Variants in SMYD3 observed in about 807,000 individuals in gnomAD.
SMYD3 encodes the protein SET and MYND domain containing 3.
SMYD3 carries 36 observed loss-of-function variants against 57.7 expected under a neutral mutation model. The observed-to-expected ratio is 0.62, with a 90% CI of 0.48 to 0.82. SMYD3 has a LOEUF of 0.82. SMYD3 is among the 40% of genes least tolerant of loss of function. The pLI, the probability that SMYD3 is intolerant of heterozygous loss-of-function variation, is 0.00. For missense variants in SMYD3, 515 were observed against 538.8 expected (o/e 0.96, Z 0.44); for synonymous variants, 211 against 195.0 (o/e 1.08, Z -0.68).
intron 1 of SMYD3, among the ~76,000 whole-genome samples, chr1:246,407,625 T>C (rs545466975): frequency 2.4e-3 from 372 of 152,126 alleles, no homozygotes; most frequent in Non-Finnish European, 4.1e-3. Flanking sequence ...GTGGATCACC[T>C]GAGGTCAGGA....
chr1:245,817,245 C>T (rs940087200), intron 10 of SMYD3, among the ~76,000 whole-genome samples: 10 of 144,570 alleles, frequency 6.9e-5, no homozygotes, highest in Non-Finnish European at 1.4e-4. Flanking sequence ...GACCCCTGAC[C>T]CCCGAGCAGC....
At chr1:246,268,045 T>G (rs566206222) in intron 5 of SMYD3, among the ~76,000 whole-genome samples, 1 of 152,274 alleles carries the variant, frequency 6.6e-6, no homozygotes, top group East Asian at 1.9e-4. Context: ...AATTGGGAAT[T>G]GTATTGTCAG....
chr1:246,007,803 C>G (rs118121597), intron 5 of SMYD3, among the ~76,000 whole-genome samples: 2,725 of 149,010 alleles, frequency 0.018, 83 homozygotes, highest in South Asian at 0.12. Context: ...GGAAACAGAG[C>G]CAGACCCTGA....
chr1:246,489,044 C>T (rs1373827641), intron 1 of SMYD3, among the ~76,000 whole-genome samples: 1 of 152,080 alleles, frequency 6.6e-6, no homozygotes, highest in African/African-American at 2.4e-5. Context: ...AATGGTAGGT[C>T]ACTTCTGAAG....
intron 10 of SMYD3, among the ~76,000 whole-genome samples, chr1:245,801,438 C>T (rs950846613): frequency 2.0e-5 from 3 of 152,164 alleles, no homozygotes; most frequent in Non-Finnish European, 2.9e-5. Flanking sequence ...ATAAATATCT[C>T]AGACTTCAGG....
chr1:245,920,813 T>G (rs2055868820), intron 7 of SMYD3, among the ~76,000 whole-genome samples: 1 of 152,206 alleles, frequency 6.6e-6, no homozygotes, highest in Non-Finnish European at 1.5e-5. Flanking sequence ...AAAATTTAAA[T>G]GTAAGACCAC....
At chr1:246,125,809 C>T (rs12031436) in intron 5 of SMYD3, among the ~76,000 whole-genome samples, 9,955 of 151,850 alleles carry the variant, frequency 0.066, 627 homozygotes, top group South Asian at 0.18. Flanking sequence ...CCTTAGATAA[C>T]GACAGAGAGG....
chr1:245,804,165 C>G (rs959368077), intron 10 of SMYD3, among the ~76,000 whole-genome samples: 1 of 152,032 alleles, frequency 6.6e-6, no homozygotes, highest in Non-Finnish European at 1.5e-5. Flanking sequence ...CCCATCTCGG[C>G]CTCCCAAAGT....
chr1:246,480,222 C>G (rs1026570610), intron 1 of SMYD3, among the ~76,000 whole-genome samples: 24 of 152,072 alleles, frequency 1.6e-4, no homozygotes, highest in African/African-American at 5.8e-4. Flanking sequence ...CCATGTTGAC[C>G]ATCCTGGCCT....
intron 10 of SMYD3, among the ~76,000 whole-genome samples, chr1:245,787,139 C>T (rs550349448): frequency 6.6e-6 from 1 of 152,258 alleles, no homozygotes; most frequent in Non-Finnish European, 1.5e-5. Context: ...GTCACAGGGC[C>T]GAACCACAGC....
rs560716650 is a variant in SMYD3 at position 246,002,334 on chromosome 1, G to T, written c.532-72397C>A. On this transcript the variant is annotated intron_variant, in intron 5 of 11. Coordinates refer to ENST00000490107, the MANE Select transcript of SMYD3 (RefSeq NM_001167740.2). ...CGAGTAGCTGGGACTGCAGGCTCCC[G>T]CCACCACGCCCGGCTAATTTTTTGT... Among the ~76,000 whole-genome samples, 11 of 65,842 alleles carry T rather than the reference G, an allele frequency of 1.7e-4. 2 individuals are homozygous for T. Among genetic ancestry groups the T allele is most frequent in the Admixed American group, 3.8e-4 (2 of 5,248 alleles). 43.2% of individuals were successfully genotyped at this position (65,842 alleles called of 152,430 possible). A position where few individuals can be genotyped will look rare whatever the true frequency, so the allele number is the denominator to read the frequency against.
intron 11 of SMYD3, among the ~76,000 whole-genome samples, chr1:245,753,718 C>T (rs1206254173): frequency 6.6e-6 from 1 of 152,210 alleles, no homozygotes; most frequent in Non-Finnish European, 1.5e-5. Flanking sequence ...AGGAGGGCTT[C>T]CCCTCACATT....
chr1:246,303,968 T>A (rs914831987), intron 5 of SMYD3, among the ~76,000 whole-genome samples: 1 of 152,198 alleles, frequency 6.6e-6, no homozygotes. Context: ...AGGAAACTAA[T>A]TATTGTGTTC....
chr1:246,316,541 G>GTTT (rs112553747), intron 5 of SMYD3, among the ~76,000 whole-genome samples: 13 of 107,318 alleles, frequency 1.2e-4, no homozygotes, highest in Admixed American at 2.0e-4. Flanking sequence ...TGTTGTTTTG[G>GTTT]TTTTTTTTTT....
chr1:246,448,794 G>A (rs1240880319), intron 1 of SMYD3, among the ~76,000 whole-genome samples: 2 of 148,104 alleles, frequency 1.4e-5, no homozygotes, highest in African/African-American at 5.0e-5. Flanking sequence ...TGCTTCCAAT[G>A]TAGGACCAAC....
intron 1 of SMYD3, among the ~76,000 whole-genome samples, chr1:246,381,013 T>C (rs1558434995): frequency 6.6e-6 from 1 of 152,138 alleles, no homozygotes; most frequent in Non-Finnish European, 1.5e-5. Flanking sequence ...AAGTGAGCCA[T>C]GAATGTTAAG....
intron 5 of SMYD3, among the ~76,000 whole-genome samples, chr1:246,037,265 T>C (rs1195287553): frequency 6.6e-6 from 1 of 152,204 alleles, no homozygotes; most frequent in African/African-American, 2.4e-5. Context: ...TGTTTCCCTA[T>C]ACCCTTGCCA....
At chr1:246,489,499 T>G (rs1475425022) in intron 1 of SMYD3, among the ~76,000 whole-genome samples, 2 of 152,174 alleles carry the variant, frequency 1.3e-5, no homozygotes. Flanking sequence ...GCCCAGGGTT[T>G]AAGAGGCAGA....
chr1:246,010,840 T>A (rs1469964476), intron 5 of SMYD3, among the ~76,000 whole-genome samples: 11 of 152,178 alleles, frequency 7.2e-5, no homozygotes, highest in South Asian at 2.1e-4. Context: ...ATCAAAAACA[T>A]TAAGCTAAAG....
Sources: gnomAD v4.1 joint callset for allele counts (sites outside exome capture counted in the v4.1 genomes callset) on GRCh38, gnomAD v4.1.1 for gene constraint, MANE v1.5 for transcripts, NCBI Gene and HGNC (gene_info 2026-07-23, HGNC 2026-07-21) for gene names.